CDYL: variants seen among roughly 807,000 people sequenced by gnomAD.
CDYL encodes chromodomain Y-like protein.
CDYL carries 8 observed loss-of-function variants against 47.3 expected under a neutral mutation model. The observed-to-expected ratio is 0.17, with a 90% CI of 0.10 to 0.31. The LOEUF is 0.31. Ranked by LOEUF, CDYL falls within the 10% of genes least tolerant of loss-of-function variation. The probability of loss-of-function intolerance (pLI) is 1.00; values close to 1 mark genes in which losing one functional copy is unlikely to be tolerated. For synonymous variants in CDYL, 266 were observed against 265.0 expected (o/e 1.00, Z -0.04); for missense variants, 471 against 701.4 (o/e 0.67, Z 3.71).
chr6:4,893,292 T>G (rs1480457875), intron 2 of CDYL, among the ~76,000 whole-genome samples: 2 of 152,182 alleles, frequency 1.3e-5, no homozygotes, highest in Admixed American at 1.3e-4. Flanking sequence ...TCTGGCTCGC[T>G]CTCTCTGTCA....
At position 4,826,337 on chromosome 6, in the gene CDYL, T is replaced by A. The variant is rs151077129; in HGVS notation, c.24+49530T>A. Reference sequence around the variant, plus strand: ...TTAATTTCATTGATTTTTCTTTTCTTCTATTCTCTATGTATCTTACCCGTA... The same window carrying A: ...TTAATTTCATTGATTTTTCTTTTCTACTATTCTCTATGTATCTTACCCGTA... On this transcript the variant is annotated intron_variant, in intron 1 of 6. Coordinates refer to ENST00000397588, the MANE Select transcript of CDYL (RefSeq NM_004824.4). 1.6e-3 allele frequency among the ~76,000 whole-genome samples: 246 copies of A among 152,320 alleles called. 4 individuals carry two copies. Among genetic ancestry groups the A allele is most frequent in the African/African-American group, 4.6e-3 (193 of 41,584 alleles).
chr6:4,784,712 T>C (rs1758706862), intron 1 of CDYL, among the ~76,000 whole-genome samples: 1 of 152,230 alleles, frequency 6.6e-6, no homozygotes, highest in Non-Finnish European at 1.5e-5. Context: ...TTTCTATGTT[T>C]AGATACACAA....
At chr6:4,842,896 T>G (rs926151418) in intron 1 of CDYL, among the ~76,000 whole-genome samples, 2 of 152,192 alleles carry the variant, frequency 1.3e-5, no homozygotes, top group Non-Finnish European at 2.9e-5. Context: ...GGAGGTTCTA[T>G]TTTGGTGTAT....
chr6:4,941,542 G>A (rs1172845029), intron 4 of CDYL, among the ~76,000 whole-genome samples: 11 of 152,082 alleles, frequency 7.2e-5, no homozygotes, highest in African/African-American at 2.2e-4. Context: ...TTCATACCCC[G>A]TCCAGAAAGA....
intron 1 of CDYL, among the ~76,000 whole-genome samples, chr6:4,888,258 A>T (rs1007959014): frequency 3.9e-5 from 6 of 152,100 alleles, no homozygotes; most frequent in East Asian, 3.8e-4. Flanking sequence ...AGGTATTTTT[A>T]AAAATTTTGG....
intron 3 of CDYL, among the ~76,000 whole-genome samples, chr6:4,756,749 C>A (rs942666433): frequency 6.6e-6 from 1 of 151,990 alleles, no homozygotes; most frequent in Non-Finnish European, 1.5e-5. Context: ...TCAAAGAAAG[C>A]AAATTACTTT....
At chr6:4,914,221 T>TTC (rs1554107432) in intron 2 of CDYL, among the ~76,000 whole-genome samples, 3 of 150,580 alleles carry the variant, frequency 2.0e-5, no homozygotes, top group Admixed American at 6.6e-5. Context: ...TTTTTTTTTT[T>TTC]CCACACTCTC....
intron 5 of CDYL, among the ~76,000 whole-genome samples, chr6:4,945,547 C>T (rs1758487437): frequency 6.6e-6 from 1 of 152,228 alleles, no homozygotes; most frequent in South Asian, 2.1e-4. Context: ...GCTCACTGTG[C>T]CCAGCTCAGA....
At chr6:4,801,800 A>G (rs1231849713) in intron 1 of CDYL, among the ~76,000 whole-genome samples, 2 of 152,150 alleles carry the variant, frequency 1.3e-5, no homozygotes, top group Non-Finnish European at 2.9e-5. Flanking sequence ...TAGCTTGAGC[A>G]TAGTTGGGAA....
intron 2 of CDYL, among the ~76,000 whole-genome samples, chr6:4,899,270 G>T (rs769667030): frequency 9.9e-5 from 15 of 152,210 alleles, no homozygotes; most frequent in Non-Finnish European, 1.8e-4. Context: ...GTTTGTGGCT[G>T]GGGCCTGTGA....
intron 1 of CDYL, among the ~76,000 whole-genome samples, chr6:4,860,561 T>A (rs2127468289): frequency 6.8e-6 from 1 of 147,636 alleles, no homozygotes; most frequent in South Asian, 2.1e-4. Flanking sequence ...TACATATTAT[T>A]ATATATATTT....
chr6:4,879,053 AC>A (rs774450040), intron 1 of CDYL, among the ~76,000 whole-genome samples: 1 of 151,974 alleles, frequency 6.6e-6, no homozygotes, highest in Non-Finnish European at 1.5e-5. Flanking sequence ...AGAGAACATA[AC>A]CTGTAAGATA....
chr6:4,787,689 C>CA (rs892047114), intron 1 of CDYL, among the ~76,000 whole-genome samples: 6 of 150,120 alleles, frequency 4.0e-5, no homozygotes, highest in African/African-American at 1.5e-4. Context: ...TCACCTTTGA[C>CA]AGAAAGGCAG....
At chr6:4,754,194 G>A (rs1464319567) in intron 3 of CDYL, among the ~76,000 whole-genome samples, 1 of 152,102 alleles carries the variant, frequency 6.6e-6, no homozygotes, top group Non-Finnish European at 1.5e-5. Flanking sequence ...TTGAGTCTCT[G>A]ACATCATTTT....
At chr6:4,772,675 A>G (rs1420696041), upstream of CDYL, among the ~76,000 whole-genome samples, 3 of 152,228 alleles carry the variant, frequency 2.0e-5, no homozygotes, top group East Asian at 5.8e-4. Flanking sequence ...ATTTCCCTTC[A>G]GCCACTGTGG....
intron 4 of CDYL, among the ~76,000 whole-genome samples, chr6:4,939,328 C>T (rs757773442): frequency 2.6e-5 from 4 of 152,026 alleles, no homozygotes; most frequent in South Asian, 2.1e-4. Context: ...TAGGCAGGGA[C>T]GTCTTTCTTT....
intron 2 of CDYL, among the ~76,000 whole-genome samples, chr6:4,721,327 CCT>C (rs1471004892): frequency 2.0e-5 from 3 of 152,000 alleles, no homozygotes; most frequent in Middle Eastern, 3.4e-3. Context: ...CCAATTTTAC[CCT>C]GTGTGCTGCC....
At chr6:4,814,203 C>T (rs1396879121) in intron 1 of CDYL, among the ~76,000 whole-genome samples, 1 of 151,876 alleles carries the variant, frequency 6.6e-6, no homozygotes, top group African/African-American at 2.4e-5. Flanking sequence ...AAAACATTTT[C>T]TTAAAATGTT....
At chr6:4,843,347 A>G (rs1044117218) in intron 1 of CDYL, among the ~76,000 whole-genome samples, 9 of 152,046 alleles carry the variant, frequency 5.9e-5, no homozygotes, top group Non-Finnish European at 1.3e-4. Context: ...AGCTTCTCGT[A>G]TTTGGATGTC....
Sources: allele counts gnomAD v4.1 joint callset (sites outside exome capture counted in the v4.1 genomes callset), GRCh38; gene constraint gnomAD v4.1.1; transcripts MANE v1.5; gene names NCBI Gene and HGNC (gene_info 2026-07-23, HGNC 2026-07-21).